The following MDM1 variants were observed in gnomAD, a reference collection of about 807,000 sequenced individuals.
MDM1 encodes stabilizer of axonemal microtubules 6, also known as Mdm1 nuclear protein.
Under a neutral mutation model 89.1 loss-of-function variants are expected in MDM1, and 61 were observed. The observed-to-expected ratio is 0.68, with a 90% CI of 0.56 to 0.85. The LOEUF is 0.85. Among genes scored for constraint, MDM1 ranks in the 40% least tolerant of loss-of-function variants. MDM1 has a pLI of 0.00. For missense variants in MDM1, 820 were observed against 846.5 expected (o/e 0.97, Z 0.39); for synonymous variants, 290 against 294.1 (o/e 0.99, Z 0.14).
intron 13 of MDM1, 57 bp downstream of exon 13, chr12:68,302,563 A>T (rs1872313483): frequency 1.4e-6 from 2 of 1,410,642 alleles, no homozygotes; most frequent in Non-Finnish European, 1.9e-6. Context: ...TAGACTTTGT[A>T]CCTATCAGCA....
At chr12:68,304,674 C>A (rs1872645615) in intron 12 of MDM1, among the ~76,000 whole-genome samples, 1 of 151,866 alleles carries the variant, frequency 6.6e-6, no homozygotes, top group Non-Finnish European at 1.5e-5. Context: ...CGGAAAGAAA[C>A]CTGTAAAATA....
chr12:68,321,532 T>A lies in MDM1; in HGVS notation c.898A>T (p.Arg300Trp), dbSNP rs1439600940. 6.2e-7 allele frequency: 1 copy of A among 1,612,482 alleles called. No individual in the cohort carries two copies. The highest frequency in any genetic ancestry group is 2.2e-5 in the East Asian group (1 of 44,822). Residue 300 changes from arginine (R) to tryptophan (W), a missense_variant, in exon 6 of 15, where the codon AGG becomes TGG. Arg to Trp is a moderately radical substitution (Grantham distance 101, BLOSUM62 -3). Coordinates refer to ENST00000682720, the MANE Select transcript of MDM1 (RefSeq NM_001354969.2). ...TCCTATTAAAATACATACCCAAGCC[T>A]TTGATGTTTCCAAGGAGTAAGCTTC... ...KRKLTPWKHQ[R>W]LGKVNSEYRA...
chr12:68,309,568 A>G (rs953037826), intron 12 of MDM1, among the ~76,000 whole-genome samples: 2 of 152,156 alleles, frequency 1.3e-5, no homozygotes, highest in Non-Finnish European at 2.9e-5. Flanking sequence ...ATGTGGGTAA[A>G]TCTGCTAAAT....
chr12:68,314,988 C>T lies in MDM1; in HGVS notation c.1489G>A (p.Asp497Asn), dbSNP rs1183728096. 1 of 1,614,004 alleles carries T rather than the reference C, an allele frequency of 6.2e-7. No homozygotes were observed. Among genetic ancestry groups the T allele is most frequent in the Non-Finnish European group, 8.5e-7 (1 of 1,180,016 alleles). The change falls in exon 10 of 15, where the codon GAT becomes AAT. Residue 497 changes from aspartate (D) to asparagine (N), a missense_variant. Coordinates refer to ENST00000682720, the MANE Select transcript of MDM1 (RefSeq NM_001354969.2). Reference sequence around the variant, plus strand: ...TCTGCCTTAGATTTCTCACGTACATCCAACTTCTCTTGCTCTCCCATAAAA... The same window carrying T: ...TCTGCCTTAGATTTCTCACGTACATTCAACTTCTCTTGCTCTCCCATAAAA... ...QAFMGEQEKLDVREKSKADKM... is the reference protein window; with the variant it reads ...QAFMGEQEKLNVREKSKADKM...
Position 68,316,161 on chromosome 12 carries a change from ATCAGATAAAATCTGAT to A in MDM1, c.1112_1127del (p.Asn371IlefsTer25), listed in dbSNP as rs1262601175. On this transcript the variant is annotated frameshift_variant, in exon 9 of 15. Coordinates refer to ENST00000682720, the MANE Select transcript of MDM1 (RefSeq NM_001354969.2). LOFTEE classifies it high-confidence loss of function. Reference sequence around the variant, plus strand: ...AGGAGACATCCCAACAGCAGTTGCTATCAGATAAAATCTGATTCAGATGGTCCCGAGAAAAATGCGT... The same window carrying A: ...AGGAGACATCCCAACAGCAGTTGCTATCAGATGGTCCCGAGAAAAATGCGT... The A allele has an allele frequency of 1.2e-6, 2 of 1,614,030 alleles. No homozygotes were observed. The highest frequency in any genetic ancestry group is 1.7e-6 in the Non-Finnish European group (2 of 1,179,998).
chr12:68,327,576 A>G lies in MDM1; in HGVS notation c.134-555T>C, dbSNP rs1876192741. On this transcript the variant is annotated intron_variant, in intron 2 of 14. Coordinates refer to ENST00000682720, the MANE Select transcript of MDM1 (RefSeq NM_001354969.2). ...AGATACAATTTCTCTATATTTCTGTATGGAAAGCAAATGTCCAAAAACTTA... is the reference window on the plus strand; with the variant it reads ...AGATACAATTTCTCTATATTTCTGTGTGGAAAGCAAATGTCCAAAAACTTA... 3.4e-6 allele frequency: 5 copies of G among 1,459,552 alleles called. 1 individual carries two copies. Among genetic ancestry groups the G allele is most frequent in the Middle Eastern group, 1.7e-4 (1 of 5,810 alleles). The allele number at this position is 1,459,552 out of a possible 1,614,324, so 90.4% of individuals were successfully genotyped here.
Position 68,323,120 on chromosome 12 carries a change from C to G in MDM1, c.754G>C (p.Asp252His). 6.2e-7 allele frequency: 1 copy of G among 1,609,268 alleles called. No individual in the cohort carries two copies. The highest frequency in any genetic ancestry group is 2.2e-5 in the East Asian group (1 of 44,524). Residue 252 changes from aspartate to histidine, a missense_variant, in exon 5 of 15, where the codon GAT becomes CAT. Coordinates refer to ENST00000682720, the MANE Select transcript of MDM1 (RefSeq NM_001354969.2). ...SPVKEPKLRN[D>H]LRENRNLETV... The stretch of plus-strand genomic sequence containing the variant: ...TCAAGATTTCTGTTTTCTCTCAAAT[C>G]ATTTCTTAATTTTGGTTCTTTCACT...
intron 3 of MDM1, 56 bp from the exon 4 acceptor site, chr12:68,325,631 T>C: frequency 2.1e-6 from 3 of 1,432,186 alleles, no homozygotes; most frequent in African/African-American, 1.4e-5. Flanking sequence ...TCAAACTTTT[T>C]AAAAATTGTG....
At chr12:68,328,213 G>C (rs1876289082) in intron 2 of MDM1, among the ~76,000 whole-genome samples, 1 of 152,220 alleles carries the variant, frequency 6.6e-6, no homozygotes, top group African/African-American at 2.4e-5. Context: ...AGCAGGCAGA[G>C]ATTAGAAATA....
intron 12 of MDM1, among the ~76,000 whole-genome samples, chr12:68,308,708 G>T (rs1201370478): frequency 6.6e-6 from 1 of 152,178 alleles, no homozygotes; most frequent in Non-Finnish European, 1.5e-5. Flanking sequence ...TAAATCCTCA[G>T]ATCCTAGAAC....
Position 68,314,961 on chromosome 12 carries a change from T to C in MDM1, c.1516A>G (p.Lys506Glu), listed in dbSNP as rs1406044859. ...LDVREKSKAD[K>E]MKEGSDSSVS... ...TAAAACTCTCACCCTTCTTTCATCT[T>C]ATCTGCCTTAGATTTCTCACGTACA... The change falls in exon 10 of 15, where the codon AAG becomes GAG. Residue 506 changes from lysine (K) to glutamate (E), a missense_variant. Physicochemically the swap from Lys to Glu is moderately conservative, Grantham distance 56. Coordinates refer to ENST00000682720, the MANE Select transcript of MDM1 (RefSeq NM_001354969.2). 1 of 1,613,592 alleles carries C rather than the reference T, an allele frequency of 6.2e-7. No homozygotes were observed. The highest frequency in any genetic ancestry group is 1.1e-5 in the South Asian group (1 of 91,066).
rs372443907 is a variant in MDM1, at chr12:68,325,560, G to A, written c.514C>T (p.Arg172Cys). The A allele has an allele frequency of 8.3e-6, 13 of 1,574,116 alleles. No homozygotes were observed. The highest frequency in any genetic ancestry group is 3.7e-5 in the Admixed American group (2 of 54,320). Reference protein sequence around the residue: ...NVDNGLDRLLRKKAGLTVVPS... With the variant: ...NVDNGLDRLLCKKAGLTVVPS... ...ACAACAGTCAATCCAGCTTTCTTAC[G>A]CAGAAGTCTATCCAACTGTTCAAAA... Residue 172 changes from arginine (R) to cysteine (C), a missense_variant, in exon 4 of 15, where the codon CGT becomes TGT. Transcript: ENST00000682720.
intron 12 of MDM1, among the ~76,000 whole-genome samples, chr12:68,311,419 G>C (rs927508994): frequency 6.6e-6 from 1 of 152,142 alleles, no homozygotes; most frequent in Non-Finnish European, 1.5e-5. Flanking sequence ...CTTATTCTCA[G>C]TAAGGATCTT....
At chr12:68,306,219 G>T (rs935777798) in intron 12 of MDM1, among the ~76,000 whole-genome samples, 12 of 152,104 alleles carry the variant, frequency 7.9e-5, no homozygotes, top group African/African-American at 2.7e-4. Flanking sequence ...GCCATATGTA[G>T]AAGAATGAAA....
chr12:68,332,310 G>C lies in MDM1; in HGVS notation c.-65C>G. The C allele has an allele frequency of 6.6e-7, 1 of 1,511,572 alleles. No homozygotes were observed. 93.6% of individuals were successfully genotyped at this position (1,511,572 alleles called of 1,614,324 possible). A position where few individuals can be genotyped will look rare whatever the true frequency, so the allele number is the denominator to read the frequency against. On this transcript the variant is annotated 5_prime_UTR_variant, in exon 1 of 15. Transcript: ENST00000682720. Reference sequence around the variant, plus strand: ...CTGGAGAAAAAGCTCCGAGGGGGCGGGGCGATAACAGTGTTCCCTAGCAAA... The same window carrying C: ...CTGGAGAAAAAGCTCCGAGGGGGCGCGGCGATAACAGTGTTCCCTAGCAAA...
chr12:68,321,118 G>A, intron 7 of MDM1: 1 of 385,982 alleles, frequency 2.6e-6, no homozygotes, highest in South Asian at 8.9e-5. Flanking sequence ...ATGGTAAAAA[G>A]CATTAAACTT....
In MDM1 at chr12:68,326,740, C is replaced by A. The variant is rs751761133; in HGVS notation, c.415G>T (p.Gly139Cys). ...TTAACTGGTGTATGGTTTGTTACACCCTCATTATTTTCCACATCTGAAGCC... is the reference window on the plus strand; with the variant it reads ...TTAACTGGTGTATGGTTTGTTACACACTCATTATTTTCCACATCTGAAGCC... The part of the protein sequence containing the change: ...EGASDVENNE[G>C]VTNHTPVNEN... Residue 139 changes from glycine (G) to cysteine (C), a missense_variant, in exon 3 of 15, where the codon GGT (glycine) becomes TGT (cysteine). Coordinates refer to ENST00000682720, the MANE Select transcript of MDM1 (RefSeq NM_001354969.2). The A allele has an allele frequency of 1.2e-6, 2 of 1,614,046 alleles. No individual in the cohort carries two copies. The highest frequency in any genetic ancestry group is 3.3e-5 in the Admixed American group (2 of 60,010).
intron 4 of MDM1, among the ~76,000 whole-genome samples, chr12:68,324,558 T>C (rs1424902787): frequency 1.3e-5 from 2 of 152,182 alleles, no homozygotes; most frequent in Non-Finnish European, 1.5e-5. Context: ...GATGACTAGA[T>C]GTTATTGTCT....
At chr12:68,301,754 AT>A (rs112024959) in intron 13 of MDM1, among the ~76,000 whole-genome samples, 184 of 146,904 alleles carry the variant, frequency 1.3e-3, no homozygotes, top group Middle Eastern at 3.6e-3. Flanking sequence ...AAGGAGAGAA[AT>A]TTTTTTTTTT....
Sources: gnomAD v4.1 joint callset for allele counts (sites outside exome capture counted in the v4.1 genomes callset) on GRCh38, gnomAD v4.1.1 for gene constraint, MANE v1.5 for transcripts, NCBI Gene and HGNC (gene_info 2026-07-23, HGNC 2026-07-21) for gene names.